The following ZC3H3 variants were observed in gnomAD, a reference collection of about 807,000 sequenced individuals.
ZC3H3 encodes zinc finger CCCH-type containing 3, also known as zinc finger CCCH domain-containing protein 3.
Under a neutral mutation model 77.3 loss-of-function variants are expected in ZC3H3, and 36 were observed. The observed-to-expected ratio is 0.47, with a 90% CI of 0.36 to 0.61. ZC3H3 has a LOEUF of 0.61. Ranked by LOEUF, ZC3H3 falls within the 20% of genes least tolerant of loss-of-function variation. The pLI is 0.00. For synonymous variants in ZC3H3, 626 were observed against 555.2 expected (o/e 1.13, Z -1.79); for missense variants, 1,331 against 1,312.2 (o/e 1.01, Z -0.22).
At chr8:143,440,010 C>G (rs760212662) in intron 11 of ZC3H3, 31 bp downstream of exon 11, 11 of 1,470,146 alleles carry the variant, frequency 7.5e-6, no homozygotes, top group African/African-American at 1.4e-5. Context: ...GAGGGGGGCC[C>G]TGGGGGCCCG....
At chr8:143,456,044 AACATGTTCCAAATG>A (rs1820110922) in intron 9 of ZC3H3, among the ~76,000 whole-genome samples, 1 of 151,908 alleles carries the variant, frequency 6.6e-6, no homozygotes, top group African/African-American at 2.4e-5. Flanking sequence ...AGATAATAGA[AACATGTTCCAAATG>A]ATGGAATTGG....
At chr8:143,519,807 C>T (rs965278142) in intron 3 of ZC3H3, among the ~76,000 whole-genome samples, 1 of 152,202 alleles carries the variant, frequency 6.6e-6, no homozygotes, top group East Asian at 1.9e-4. Flanking sequence ...GGACTCATCA[C>T]GGGCCCAAAG....
chr8:143,483,510 A>G (rs391615), intron 4 of ZC3H3, among the ~76,000 whole-genome samples: 75,153 of 152,006 alleles, frequency 0.49, 18,786 homozygotes, highest in East Asian at 0.68. Context: ...AGAGTCCCTC[A>G]TGGGAGGGGC....
chr8:143,444,190 G>A (rs1286917287), intron 9 of ZC3H3, among the ~76,000 whole-genome samples: 1 of 152,024 alleles, frequency 6.6e-6, no homozygotes, highest in East Asian at 1.9e-4. Context: ...TAGCCAGGAT[G>A]GTCTTGTTCT....
At chr8:143,445,284 G>A (rs1313597488) in intron 9 of ZC3H3, among the ~76,000 whole-genome samples, 1 of 152,010 alleles carries the variant, frequency 6.6e-6, no homozygotes, top group Non-Finnish European at 1.5e-5. Context: ...AGGAGATTGA[G>A]GCAGGAGAAT....
intron 5 of ZC3H3, among the ~76,000 whole-genome samples, chr8:143,473,691 C>T (rs951665925): frequency 3.3e-5 from 5 of 152,222 alleles, no homozygotes; most frequent in African/African-American, 1.2e-4. Flanking sequence ...GGTGGGACCA[C>T]CCGGCATGAG....
At chr8:143,514,733 T>G (rs11783695) in intron 3 of ZC3H3, among the ~76,000 whole-genome samples, 26,175 of 152,208 alleles carry the variant, frequency 0.17, 2,473 homozygotes, top group African/African-American at 0.23. Flanking sequence ...GCCTGGACGT[T>G]CACCTGCGGG....
At chr8:143,483,749 T>A (rs1287492211) in intron 4 of ZC3H3, among the ~76,000 whole-genome samples, 1 of 152,188 alleles carries the variant, frequency 6.6e-6, no homozygotes, top group Non-Finnish European at 1.5e-5. Context: ...CTCTTCTAAC[T>A]TACTCCTCAC....
At position 143,471,820 on chromosome 8, in the gene ZC3H3, G is replaced by C. The variant is rs182548546; in HGVS notation, c.1904-3161C>G. Among the ~76,000 whole-genome samples the C allele has an allele frequency of 2.0e-5, 3 of 152,354 alleles. No individual in the cohort carries two copies. The East Asian group carries it at 5.8e-4, about 29-fold the overall frequency. ...AAGTCAAATTTCTGCTGACACCAGG[G>C]GAGGAAATTTATTTCTTTAATTATT... On this transcript the variant is annotated intron_variant, in intron 5 of 11. Coordinates refer to ENST00000262577, the MANE Select transcript of ZC3H3 (RefSeq NM_015117.3).
intron 3 of ZC3H3, among the ~76,000 whole-genome samples, chr8:143,526,524 G>A (rs1028110011): frequency 3.9e-5 from 6 of 152,192 alleles, no homozygotes; most frequent in Admixed American, 6.5e-5. Context: ...TGGGGATCAC[G>A]GGGTTCCCAG....
rs760267151 is a variant in ZC3H3, at chr8:143,475,549, G to A, written c.1752C>T (p.Ser584=). 11 of 1,608,896 alleles carry A rather than the reference G, an allele frequency of 6.8e-6. No individual in the cohort carries two copies. The highest frequency in any genetic ancestry group is 4.4e-5 in the South Asian group (4 of 90,358). ...AGCCCGGTTGGGCTTTCCCACCCCC[G>A]CTGGCAACTGGACGCAGGCGGTTCA... ...LVLNRLRPVA[S]GGGKAQPGSP... Residue 584 remains serine (S), a synonymous_variant, in exon 5 of 12, where the codon AGC becomes AGT. Coordinates refer to ENST00000262577, the MANE Select transcript of ZC3H3 (RefSeq NM_015117.3).
In ZC3H3 at chr8:143,538,863, C is replaced by T; in HGVS notation, c.504G>A (p.Arg168=). 6.2e-7 allele frequency: 1 copy of T among 1,612,544 alleles called. No individual in the cohort carries two copies. The highest frequency in any genetic ancestry group is 1.7e-5 in the Admixed American group (1 of 59,992). ...RPREGEGEPP[R]GQLQPSRPTR... ...TTGGCCTCGAGGGCTGCAGCTGTCC[C>T]CGAGGGGGCTCACCTTCACCTTCCC... is the stretch of plus-strand genomic sequence containing the variant. Residue 168 remains arginine (R), a synonymous_variant, in exon 2 of 12, where the codon CGG becomes CGA. Coordinates refer to ENST00000262577, the MANE Select transcript of ZC3H3 (RefSeq NM_015117.3).
At chr8:143,454,079 CT>C (rs55882218) in intron 9 of ZC3H3, among the ~76,000 whole-genome samples, 77,806 of 142,558 alleles carry the variant, frequency 0.55, 21,626 homozygotes, top group East Asian at 0.81. Context: ...ATAACTTTTT[CT>C]TTTTTTTTTT....
chr8:143,497,930 C>A (rs192641660), intron 4 of ZC3H3, among the ~76,000 whole-genome samples: 11 of 152,350 alleles, frequency 7.2e-5, no homozygotes, highest in African/African-American at 2.4e-4. Context: ...AGAGTCCCCT[C>A]TCTGCCTGGC....
rs527359007 is a variant in ZC3H3 at position 143,465,576 on chromosome 8, C to A, written c.2307+141G>T. 1.3e-5 allele frequency: 17 copies of A among 1,320,818 alleles called. No homozygotes were observed. In the East Asian group the frequency reaches 3.7e-4, roughly 29 times the overall value. The allele number at this position is 1,320,818 out of a possible 1,614,324, so 81.8% of individuals were successfully genotyped here. A position where few individuals can be genotyped will look rare whatever the true frequency, so the allele number is the denominator to read the frequency against. On this transcript the variant is annotated intron_variant, in intron 9 of 11. Coordinates refer to ENST00000262577, the MANE Select transcript of ZC3H3 (RefSeq NM_015117.3). Reference sequence around the variant, plus strand: ...AAAGTTGCTGGACCTCTCTGAGTCACCTGTGAGGTGGACGTGATGGCACTG... The same window carrying A: ...AAAGTTGCTGGACCTCTCTGAGTCAACTGTGAGGTGGACGTGATGGCACTG...
intron 4 of ZC3H3, among the ~76,000 whole-genome samples, chr8:143,492,388 C>T (rs1821232709): frequency 3.3e-5 from 5 of 152,144 alleles, no homozygotes; most frequent in Admixed American, 2.0e-4. Flanking sequence ...GGCCCTGGCC[C>T]GCCTTATATC....
intron 11 of ZC3H3, among the ~76,000 whole-genome samples, chr8:143,438,498 C>T (rs13267988): frequency 0.057 from 8,647 of 152,246 alleles, 298 homozygotes; most frequent in Non-Finnish European, 0.078. Flanking sequence ...GAGGCGGCCA[C>T]GATGCAGCTT....
At chr8:143,486,446 G>A (rs1195352164) in intron 4 of ZC3H3, among the ~76,000 whole-genome samples, 1 of 152,208 alleles carries the variant, frequency 6.6e-6, no homozygotes, top group African/African-American at 2.4e-5. Flanking sequence ...TGCCCCTGGT[G>A]GCACTTTTTA....
intron 8 of ZC3H3, among the ~76,000 whole-genome samples, chr8:143,467,921 AG>A (rs1024445832): frequency 6.6e-6 from 1 of 152,132 alleles, no homozygotes; most frequent in Non-Finnish European, 1.5e-5. Context: ...GGCATGTGTA[AG>A]GGGGGCCTGG....
Sources: gnomAD v4.1 joint callset for allele counts (sites outside exome capture counted in the v4.1 genomes callset) on GRCh38, gnomAD v4.1.1 for gene constraint, MANE v1.5 for transcripts, NCBI Gene and HGNC (gene_info 2026-07-23, HGNC 2026-07-21) for gene names.